Variants in PDE4D observed in about 807,000 individuals in gnomAD.
PDE4D encodes 3',5'-cyclic-AMP phosphodiesterase 4D.
In PDE4D, 24 loss-of-function variants were observed where a neutral mutation model predicts 87.4. That is an observed-to-expected ratio of 0.27 (90% CI 0.20 to 0.39). PDE4D has a LOEUF of 0.39. PDE4D is among the 10% of genes least tolerant of loss of function. The pLI is 1.00. For synonymous variants in PDE4D, 384 were observed against 383.2 expected (o/e 1.00, Z -0.02); for missense variants, 714 against 1,041.0 (o/e 0.69, Z 4.32).
At chr5:60,236,725 GAT>G (rs1421669070) in intron 1 of PDE4D, among the ~76,000 whole-genome samples, 5 of 151,934 alleles carry the variant, frequency 3.3e-5, no homozygotes, top group African/African-American at 1.2e-4. Flanking sequence ...AGGTAAGAAT[GAT>G]ATGATATGAG....
intron 1 of PDE4D, among the ~76,000 whole-genome samples, chr5:60,394,240 T>C (rs1209225847): frequency 1.3e-5 from 2 of 152,198 alleles, no homozygotes; most frequent in African/African-American, 4.8e-5. Flanking sequence ...TTGGCACAAA[T>C]GCTAATTTTT....
intron 7 of PDE4D, among the ~76,000 whole-genome samples, chr5:58,993,082 T>A (rs10074854): frequency 6.6e-6 from 1 of 151,966 alleles, no homozygotes; most frequent in South Asian, 2.1e-4. Context: ...TATGAATAGA[T>A]CTCTCTATAA....
At chr5:60,306,037 G>A (rs1370436643) in intron 1 of PDE4D, among the ~76,000 whole-genome samples, 1 of 152,014 alleles carries the variant, frequency 6.6e-6, no homozygotes, top group Non-Finnish European at 1.5e-5. Context: ...TTTGTAAAAA[G>A]TTGATCAAAA....
chr5:59,471,562 T>C (rs931131218), intron 1 of PDE4D, among the ~76,000 whole-genome samples: 2 of 152,218 alleles, frequency 1.3e-5, no homozygotes, highest in Non-Finnish European at 2.9e-5. Context: ...GCAGCACAAA[T>C]AGCTTTATAG....
chr5:60,184,073 A>T (rs1383198499), intron 2 of PDE4D, among the ~76,000 whole-genome samples: 2 of 152,124 alleles, frequency 1.3e-5, no homozygotes, highest in Non-Finnish European at 2.9e-5. Flanking sequence ...CCAAGATAAA[A>T]TTTTTTGCAT....
intron 3 of PDE4D, among the ~76,000 whole-genome samples, chr5:59,933,791 T>TATATATATATATATATA (rs1554116652): frequency 9.8e-6 from 1 of 101,566 alleles, no homozygotes; most frequent in African/African-American, 4.5e-5. Context: ...TATATATATA[T>TATATATATATATATATA]TAATAAGCAT....
chr5:59,404,913 T>C (rs1383693054), intron 1 of PDE4D, among the ~76,000 whole-genome samples: 2 of 152,154 alleles, frequency 1.3e-5, no homozygotes, highest in Non-Finnish European at 2.9e-5. Flanking sequence ...TTGTCAAAAA[T>C]GAGTTCACTG....
intron 1 of PDE4D, among the ~76,000 whole-genome samples, chr5:60,191,016 C>T (rs1050723959): frequency 1.3e-5 from 2 of 152,124 alleles, no homozygotes; most frequent in African/African-American, 4.8e-5. Flanking sequence ...CCATTTCTAC[C>T]TCTTGGCCTT....
intron 2 of PDE4D, among the ~76,000 whole-genome samples, chr5:60,030,164 G>T: frequency 6.6e-6 from 1 of 152,220 alleles, no homozygotes; most frequent in Admixed American, 6.5e-5. Context: ...TAAAGAGTTG[G>T]TTAAGGCCGG....
At chr5:60,431,481 C>A (rs560563993) in intron 1 of PDE4D, among the ~76,000 whole-genome samples, 1 of 150,376 alleles carries the variant, frequency 6.6e-6, no homozygotes, top group African/African-American at 2.5e-5. Flanking sequence ...GATGGGCGGC[C>A]GGGCAGAGAC....
At chr5:59,826,004 G>A (rs1306778067) in intron 1 of PDE4D, among the ~76,000 whole-genome samples, 1 of 152,150 alleles carries the variant, frequency 6.6e-6, no homozygotes, top group Non-Finnish European at 1.5e-5. Flanking sequence ...TACCCCACTG[G>A]AAGGCTTGAA....
intron 5 of PDE4D, among the ~76,000 whole-genome samples, chr5:59,101,233 T>C (rs1260234041): frequency 6.6e-6 from 1 of 152,160 alleles, no homozygotes; most frequent in Non-Finnish European, 1.5e-5. Flanking sequence ...CAATACACCA[T>C]GGGACTGCCC....
At chr5:59,835,603 G>A (rs527506704) in intron 1 of PDE4D, among the ~76,000 whole-genome samples, 17 of 152,062 alleles carry the variant, frequency 1.1e-4, no homozygotes, top group African/African-American at 3.1e-4. Flanking sequence ...TGGATAATAC[G>A]TAAATAATAA....
At chr5:59,615,468 T>C (rs1561330080) in intron 1 of PDE4D, among the ~76,000 whole-genome samples, 1 of 152,040 alleles carries the variant, frequency 6.6e-6, no homozygotes, top group Non-Finnish European at 1.5e-5. Context: ...CCCCACGAAA[T>C]ACTCATGACT....
intron 1 of PDE4D, among the ~76,000 whole-genome samples, chr5:59,885,610 T>G (rs1363285392): frequency 6.6e-6 from 1 of 152,198 alleles, no homozygotes; most frequent in Non-Finnish European, 1.5e-5. Context: ...TACCTCCAAA[T>G]GTAATGAATC....
intron 5 of PDE4D, among the ~76,000 whole-genome samples, chr5:59,149,847 T>G (rs541407440): frequency 1.3e-5 from 2 of 152,112 alleles, no homozygotes; most frequent in African/African-American, 4.8e-5. Context: ...ATTAGATTTT[T>G]TTTTAACCTG....
intron 1 of PDE4D, among the ~76,000 whole-genome samples, chr5:60,317,548 C>T (rs1755749781): frequency 6.6e-6 from 1 of 152,038 alleles, no homozygotes; most frequent in South Asian, 2.1e-4. Context: ...TGTGTTTGCT[C>T]TTGCTTCTCT....
At chr5:60,425,376 C>A (rs572011101) in intron 1 of PDE4D, among the ~76,000 whole-genome samples, 22 of 152,248 alleles carry the variant, frequency 1.4e-4, no homozygotes, top group African/African-American at 5.3e-4. Flanking sequence ...AGAAATAACA[C>A]CACACATCTA....
upstream of PDE4D, among the ~76,000 whole-genome samples, chr5:60,492,327 A>T (rs543419872): frequency 1.3e-5 from 2 of 152,226 alleles, no homozygotes; most frequent in South Asian, 4.1e-4. Context: ...AGTCCCAGCT[A>T]CTTGGGAGGC....
Sources: allele counts gnomAD v4.1 joint callset (sites outside exome capture counted in the v4.1 genomes callset), GRCh38; gene constraint gnomAD v4.1.1; transcripts MANE v1.5; gene names NCBI Gene and HGNC (gene_info 2026-07-23, HGNC 2026-07-21).